The following BBOF1 variants were observed in gnomAD, a reference collection of about 807,000 sequenced individuals.
The protein encoded by BBOF1 is basal body-orientation factor 1.
A neutral mutation model predicts 68.0 loss-of-function variants in BBOF1; 62 were observed. The observed-to-expected ratio is 0.91, with a 90% CI of 0.74 to 1.13. BBOF1 has a LOEUF of 1.13. Among genes scored for constraint, BBOF1 ranks in the 50% most tolerant of loss-of-function variants. BBOF1 has a pLI of 0.00. For synonymous variants in BBOF1, 208 were observed against 198.8 expected, an observed-to-expected ratio of 1.05 and a Z score of -0.39; for missense variants, 534 against 600.1, an observed-to-expected ratio of 0.89 and a Z score of 1.15.
At chr14:74,019,636 C>T (rs1028499290) in intron 1 of BBOF1, 102 bp downstream of exon 1, 3 of 1,508,022 alleles carry the variant, frequency 2.0e-6, no homozygotes, top group South Asian at 1.2e-5. Flanking sequence ...CACTCGGACC[C>T]TCTCCCCGGC....
chr14:74,033,073 C>T lies in BBOF1; in HGVS notation c.352-955C>T, dbSNP rs557661780. Among the ~76,000 whole-genome samples the T allele has an allele frequency of 1.1e-4, 16 of 152,182 alleles. 1 individual carries two copies. The South Asian group carries it at 3.3e-3, about 32-fold the overall frequency. On this transcript the variant is annotated intron_variant, in intron 3 of 11. Transcript: ENST00000394009. Reference sequence around the variant, plus strand: ...CTCTTTATTAGGGATATTTACCACACTCCCTTTGACTCCTAGCCAATTAAT... The same window carrying T: ...CTCTTTATTAGGGATATTTACCACATTCCCTTTGACTCCTAGCCAATTAAT...
In BBOF1 at chr14:74,023,939, AAAAAG is replaced by A. The variant is rs1274934890; in HGVS notation, c.285+810_285+814del. On this transcript the variant is annotated intron_variant, in intron 2 of 11. Transcript: ENST00000394009. ...AGACTCCATCTCAAAAAAAAAAAAA[AAAAAG>A]AAAAGAAAAGAAAAAGGGAAGGGAA... 8.9e-3 allele frequency among the ~76,000 whole-genome samples: 1,339 copies of A among 151,190 alleles called. 7 individuals are homozygous for A. The highest frequency in any genetic ancestry group is 0.024 in the Middle Eastern group (7 of 288).
chr14:74,064,352 C>T (rs10047829), intron 11 of BBOF1, among the ~76,000 whole-genome samples: 6 of 150,902 alleles, frequency 4.0e-5, no homozygotes, highest in Non-Finnish European at 2.9e-5. Flanking sequence ...CTACAAAGAA[C>T]GTGCTCAACA....
At position 74,065,041 on chromosome 14, in the gene BBOF1, CT is replaced by C; in HGVS notation, c.*345del. ...TCTACCCTATCCTCTACCCCATGAA[CT>C]TTCATTCCTGAGGAAGAAATGGGGC... On this transcript the variant is annotated 3_prime_UTR_variant, in exon 12 of 12. Coordinates refer to ENST00000394009, the MANE Select transcript of BBOF1 (RefSeq NM_025057.3). The C allele has an allele frequency of 2.2e-6, 3 of 1,385,770 alleles. No individual in the cohort carries two copies. The highest frequency in any genetic ancestry group is 3.0e-6 in the Non-Finnish European group (3 of 989,812). 85.8% of individuals were successfully genotyped at this position (1,385,770 alleles called of 1,614,324 possible). A position where few individuals can be genotyped will look rare whatever the true frequency, so the allele number is the denominator to read the frequency against.
At chr14:74,042,893 C>CAA (rs1016800446) in intron 5 of BBOF1, among the ~76,000 whole-genome samples, 2 of 151,148 alleles carry the variant, frequency 1.3e-5, no homozygotes, top group Non-Finnish European at 2.9e-5. Flanking sequence ...CACACACACA[C>CAA]ACACACACAC....
intron 5 of BBOF1, 78 bp from the exon 6 acceptor site, chr14:74,045,982 T>C: frequency 7.6e-7 from 1 of 1,316,024 alleles, no homozygotes; most frequent in Non-Finnish European, 1.0e-6. Context: ...TATTTGACAT[T>C]CTAAAATAAA....
In BBOF1 at chr14:74,019,363, G is replaced by C; in HGVS notation, c.-116G>C. ...CGGGCGCGTGCGCTCTCCGCGCGCC[G>C]TCAGCGGCGCGGGTGGGGCATTGCC... is the stretch of plus-strand genomic sequence containing the variant. On this transcript the variant is annotated 5_prime_UTR_variant, in exon 1 of 12. Transcript: ENST00000394009. 7.5e-7 allele frequency: 1 copy of C among 1,342,152 alleles called. No homozygotes were observed. The highest frequency in any genetic ancestry group is 1.6e-5 in the South Asian group (1 of 64,112). The allele number at this position is 1,342,152 out of a possible 1,614,324, so 83.1% of individuals were successfully genotyped here.
chr14:74,026,018 G>A (rs1296493056), intron 2 of BBOF1, among the ~76,000 whole-genome samples: 2 of 151,898 alleles, frequency 1.3e-5, no homozygotes, highest in Admixed American at 6.6e-5. Flanking sequence ...GTGCGTGTCT[G>A]CAGTCCCAGC....
In BBOF1 at chr14:74,064,841, G is replaced by A; in HGVS notation, c.*142G>A. 6.2e-7 allele frequency: 1 copy of A among 1,614,034 alleles called. No homozygotes were observed. The highest frequency in any genetic ancestry group is 8.5e-7 in the Non-Finnish European group (1 of 1,179,982). ...AGTTACCTGTTTGCCATAGAAATTG[G>A]TGTCTCCCCTGAAGGAGGATCGAGA... On this transcript the variant is annotated 3_prime_UTR_variant, in exon 12 of 12. Transcript: ENST00000394009.
chr14:74,026,842 T>C (rs1463630924), intron 2 of BBOF1, among the ~76,000 whole-genome samples: 2 of 151,798 alleles, frequency 1.3e-5, no homozygotes, highest in African/African-American at 4.8e-5. Flanking sequence ...GGAGAATCGC[T>C]TGAACCCAGG....
At position 74,065,807 on chromosome 14, in the gene BBOF1, C is replaced by T; in HGVS notation, c.*1108C>T. 1 of 185,106 alleles carries T rather than the reference C, an allele frequency of 5.4e-6. No individual in the cohort carries two copies. Among genetic ancestry groups the T allele is most frequent in the East Asian group, 1.4e-4 (1 of 6,920 alleles). 11.5% of individuals were successfully genotyped at this position (185,106 alleles called of 1,614,324 possible). On this transcript the variant is annotated 3_prime_UTR_variant, in exon 12 of 12. Transcript: ENST00000394009. ...ATAAATAATCCATTCTTATTCACTC[C>T]TTTGCCTCCCAAATATGTCTGTATG...
rs755273535 is a variant in BBOF1 at position 74,046,068 on chromosome 14, A to G, written c.585A>G (p.Leu195=). Residue 195 remains leucine (L), a synonymous_variant, in exon 6 of 12, where the codon CTA becomes CTG. Coordinates refer to ENST00000394009, the MANE Select transcript of BBOF1 (RefSeq NM_025057.3). The part of the protein sequence containing the change: ...ESRFFEEKHR[L]EQEAEKKIIM... ...CCCATTTTCTTTTTTAGCACCGACT[A>G]GAACAAGAGGCTGAAAAGAAGATAA... 44 of 1,607,510 alleles carry G rather than the reference A, an allele frequency of 2.7e-5. 1 individual carries two copies. The highest frequency in any genetic ancestry group is 3.5e-5 in the Non-Finnish European group (41 of 1,177,062).
rs535112272 is a variant in BBOF1, at chr14:74,019,399, C to T, written c.-80C>T. Reference sequence around the variant, plus strand: ...GGGTGGGGCATTGCCAGCTCGGCGTCCCGGTTCCCTTGGAGACAGAGCTGG... The same window carrying T: ...GGGTGGGGCATTGCCAGCTCGGCGTTCCGGTTCCCTTGGAGACAGAGCTGG... On this transcript the variant is annotated 5_prime_UTR_variant, in exon 1 of 12. Coordinates refer to ENST00000394009, the MANE Select transcript of BBOF1 (RefSeq NM_025057.3). 4.9e-4 allele frequency: 744 copies of T among 1,515,750 alleles called. 3 individuals are homozygous for T. In the African/African-American group the frequency reaches 9.6e-3, roughly 19 times the overall value. 93.9% of individuals were successfully genotyped at this position (1,515,750 alleles called of 1,614,324 possible).
intron 3 of BBOF1, among the ~76,000 whole-genome samples, chr14:74,031,374 A>G (rs1337588479): frequency 6.6e-6 from 1 of 152,030 alleles, no homozygotes; most frequent in East Asian, 1.9e-4. Context: ...TGGCCTCCCA[A>G]AGTGTTGGAA....
chr14:74,050,597 G>A (rs543806776), intron 8 of BBOF1, among the ~76,000 whole-genome samples: 6 of 152,022 alleles, frequency 3.9e-5, no homozygotes, highest in South Asian at 4.2e-4. Context: ...GTCTCACTAC[G>A]TTGCCCAGGC....
chr14:74,060,785 G>A (rs1419293642), intron 11 of BBOF1: 1 of 1,419,830 alleles, frequency 7.0e-7, no homozygotes, highest in Non-Finnish European at 1.0e-6. Flanking sequence ...ATATTTCTGG[G>A]GTTTCATGAT....
chr14:74,057,273 T>C lies in BBOF1; in HGVS notation c.1578+15T>C. 1 of 1,614,098 alleles carries C rather than the reference T, an allele frequency of 6.2e-7. No individual in the cohort carries two copies. The highest frequency in any genetic ancestry group is 1.3e-5 in the African/African-American group (1 of 75,066). On this transcript the variant is annotated intron_variant, in intron 11 of 11. Transcript: ENST00000394009. ...AGTCTGACACAGTAAGGAGTCTGTATCTAATCAAACAATGTATATTGTTGT... is the reference window on the plus strand; with the variant it reads ...AGTCTGACACAGTAAGGAGTCTGTACCTAATCAAACAATGTATATTGTTGT...
Position 74,040,628 on chromosome 14 carries a change from A to C in BBOF1, c.559A>C (p.Arg187=). ...HQETLRRLES[R]FFEEKHRLEQ... ...GGAGACTCTTAGAAGACTGGAAAGCAGATTTTTTGAAGAAAAGGTACAGAT... is the reference window on the plus strand; with the variant it reads ...GGAGACTCTTAGAAGACTGGAAAGCCGATTTTTTGAAGAAAAGGTACAGAT... The change falls in exon 5 of 12, where the codon AGA becomes CGA. Residue 187 remains arginine, a synonymous_variant. Coordinates refer to ENST00000394009, the MANE Select transcript of BBOF1 (RefSeq NM_025057.3). The C allele has an allele frequency of 6.3e-7, 1 of 1,588,884 alleles. No homozygotes were observed. Among genetic ancestry groups the C allele is most frequent in the South Asian group, 1.2e-5 (1 of 85,770 alleles).
At chr14:74,045,215 G>A (rs571180564) in intron 5 of BBOF1, among the ~76,000 whole-genome samples, 7 of 152,286 alleles carry the variant, frequency 4.6e-5, no homozygotes, top group African/African-American at 1.7e-4. Flanking sequence ...TAGAATATAA[G>A]CTTCATGAGA....
Sources: gnomAD v4.1 joint callset for allele counts (sites outside exome capture counted in the v4.1 genomes callset) on GRCh38, gnomAD v4.1.1 for gene constraint, MANE v1.5 for transcripts, NCBI Gene and HGNC (gene_info 2026-07-23, HGNC 2026-07-21) for gene names.